Variants in SWAP70 observed in about 807,000 individuals in gnomAD.
The protein encoded by SWAP70 is switching B cell complex subunit SWAP70.
A neutral mutation model predicts 80.2 loss-of-function variants in SWAP70; 34 were observed. That is an observed-to-expected ratio of 0.42 (90% CI 0.32 to 0.56). The LOEUF is 0.56. SWAP70 is among the 20% of genes least tolerant of loss of function. SWAP70 has a pLI of 0.09. For missense variants in SWAP70, 578 were observed against 690.7 expected, an observed-to-expected ratio of 0.84 and a Z score of 1.83; for synonymous variants, 239 against 238.5, an observed-to-expected ratio of 1.00 and a Z score of -0.02.
In SWAP70 at chr11:9,750,559, GCT is replaced by G. The variant is rs1851574462; in HGVS notation, c.*595_*596del. On this transcript the variant is annotated 3_prime_UTR_variant, in exon 12 of 12. Coordinates refer to ENST00000318950, the MANE Select transcript of SWAP70 (RefSeq NM_015055.4). The stretch of plus-strand genomic sequence containing the variant: ...ATCACCTTCTGAAATTTGTCTTTTA[GCT>G]CTCTCAGATTCTTCCCCAAATGAGG... The G allele has an allele frequency of 6.6e-6, 1 of 152,338 alleles. No individual in the cohort carries two copies. Among genetic ancestry groups the G allele is most frequent in the South Asian group, 2.1e-4 (1 of 4,822 alleles). 9.4% of individuals were successfully genotyped at this position (152,338 alleles called of 1,614,324 possible).
intron 1 of SWAP70, 48 bp from the exon 2 acceptor site, chr11:9,694,098 A>C (rs772166005): frequency 6.6e-7 from 1 of 1,517,188 alleles, no homozygotes; most frequent in Non-Finnish European, 8.8e-7. Flanking sequence ...TGAAGGTGTC[A>C]TGTGCTGGTT....
In SWAP70 at chr11:9,738,285, G is replaced by A. The variant is rs772261605; in HGVS notation, c.1153G>A (p.Ala385Thr). The change falls in exon 8 of 12, where the codon GCC becomes ACC. Residue 385 changes from alanine to threonine, a missense_variant. By Grantham distance (58) the Ala-to-Thr change is moderately conservative. Coordinates refer to ENST00000318950, the MANE Select transcript of SWAP70 (RefSeq NM_015055.4). ...CCTTCAGACTCAAGTGGAACTTCAG[G>A]CCAGGTTCAGCACAGAGCTGGAAAG... The part of the protein sequence containing the change: ...KRLQTQVELQ[A>T]RFSTELEREK... 7 of 1,610,660 alleles carry A rather than the reference G, an allele frequency of 4.3e-6. No homozygotes were observed. Among genetic ancestry groups the A allele is most frequent in the Non-Finnish European group, 8.5e-7 (1 of 1,178,420 alleles).
intron 1 of SWAP70, among the ~76,000 whole-genome samples, chr11:9,679,157 A>G (rs1255555650): frequency 1.3e-5 from 2 of 152,184 alleles, no homozygotes; most frequent in Non-Finnish European, 2.9e-5. Context: ...TATTAGAAAC[A>G]CTAATTTTTT....
At chr11:9,678,064 G>A (rs1850522817) in intron 1 of SWAP70, among the ~76,000 whole-genome samples, 1 of 152,162 alleles carries the variant, frequency 6.6e-6, no homozygotes, top group African/African-American at 2.4e-5. Flanking sequence ...TTATGAGACA[G>A]GGTTTTTATT....
intron 1 of SWAP70, among the ~76,000 whole-genome samples, chr11:9,675,350 A>C (rs915082297): frequency 0.031 from 486 of 15,870 alleles, 23 homozygotes; most frequent in African/African-American, 0.13. Context: ...AGGGAGCGAG[A>C]GAGAGAGAGA....
intron 3 of SWAP70, among the ~76,000 whole-genome samples, chr11:9,715,185 C>G (rs1343702822): frequency 6.6e-6 from 1 of 151,914 alleles, no homozygotes; most frequent in East Asian, 1.9e-4. Flanking sequence ...TGCCATGTTG[C>G]CCAGCCTGGT....
intron 8 of SWAP70, among the ~76,000 whole-genome samples, chr11:9,739,095 T>C (rs2133815110): frequency 6.6e-6 from 1 of 152,218 alleles, no homozygotes; most frequent in East Asian, 1.9e-4. Flanking sequence ...GGTGAGATCC[T>C]GAAATTGTGA....
At position 9,752,231 on chromosome 11, in the gene SWAP70, T is replaced by C. The variant is rs1057255194; in HGVS notation, c.*2261T>C. ...GTCCTGCACTTTTGCAGAATGTCCT[T>C]CTTTAAACCTGGCTTATTCCACAGC... On this transcript the variant is annotated 3_prime_UTR_variant, in exon 12 of 12. Coordinates refer to ENST00000318950, the MANE Select transcript of SWAP70 (RefSeq NM_015055.4). The C allele has an allele frequency of 6.6e-6, 1 of 152,260 alleles. No individual in the cohort carries two copies. Among genetic ancestry groups the C allele is most frequent in the Non-Finnish European group, 1.5e-5 (1 of 68,040 alleles). The allele number at this position is 152,260 out of a possible 1,614,324, so 9.4% of individuals were successfully genotyped here.
At chr11:9,724,966 T>C (rs965840842) in intron 4 of SWAP70, 81 bp downstream of exon 4, 9 of 1,002,780 alleles carry the variant, frequency 9.0e-6, no homozygotes, top group Middle Eastern at 2.2e-4. Context: ...CAAAGATGAG[T>C]ATAAGTCACT....
chr11:9,734,513 T>A (rs1851339833), intron 7 of SWAP70, among the ~76,000 whole-genome samples: 1 of 152,252 alleles, frequency 6.6e-6, no homozygotes, highest in Non-Finnish European at 1.5e-5. Flanking sequence ...GATTTAGGAT[T>A]CTTGGATAAG....
intron 3 of SWAP70, among the ~76,000 whole-genome samples, chr11:9,715,819 G>T (rs1343238157): frequency 6.6e-6 from 1 of 152,206 alleles, no homozygotes; most frequent in Non-Finnish European, 1.5e-5. Context: ...TAGGGACACA[G>T]CCAAACCATA....
intron 6 of SWAP70, among the ~76,000 whole-genome samples, chr11:9,730,670 A>G (rs1290054368): frequency 6.6e-6 from 1 of 152,228 alleles, no homozygotes; most frequent in Non-Finnish European, 1.5e-5. Context: ...ATTATGCAAT[A>G]GTTTTTTAAT....
intron 2 of SWAP70, chr11:9,703,520 T>G: frequency 2.2e-6 from 1 of 456,164 alleles, no homozygotes; most frequent in Non-Finnish European, 4.4e-6. Flanking sequence ...GATTGTCACT[T>G]CCTCAGGGAG....
intron 1 of SWAP70, among the ~76,000 whole-genome samples, chr11:9,667,054 G>C (rs1850315945): frequency 6.6e-6 from 1 of 152,094 alleles, no homozygotes; most frequent in South Asian, 2.1e-4. Context: ...TAGTAGAGAC[G>C]GGGTTTCATT....
intron 1 of SWAP70, 77 bp from the exon 2 acceptor site, chr11:9,694,069 C>T: frequency 1.4e-6 from 2 of 1,457,336 alleles, no homozygotes. Context: ...GGAGAGGGAG[C>T]AGCATGTTGT....
At chr11:9,745,016 G>A (rs1165590256) in intron 9 of SWAP70, among the ~76,000 whole-genome samples, 1 of 152,218 alleles carries the variant, frequency 6.6e-6, no homozygotes, top group African/African-American at 2.4e-5. Flanking sequence ...CCTTAGTCGT[G>A]TCTGTATTCC....
intron 1 of SWAP70, among the ~76,000 whole-genome samples, chr11:9,675,414 A>G (rs1477730671): frequency 2.3e-5 from 3 of 128,758 alleles, no homozygotes; most frequent in East Asian, 4.7e-4. Context: ...AGAGAGAGAG[A>G]GAGAGAGGAG....
chr11:9,724,356 T>C (rs1240534642), intron 3 of SWAP70, among the ~76,000 whole-genome samples: 2 of 152,246 alleles, frequency 1.3e-5, no homozygotes, highest in African/African-American at 4.8e-5. Context: ...AGTAATCAGA[T>C]CACATTAATT....
chr11:9,665,316 G>A (rs1850295181), intron 1 of SWAP70, among the ~76,000 whole-genome samples: 1 of 152,046 alleles, frequency 6.6e-6, no homozygotes, highest in Non-Finnish European at 1.5e-5. Context: ...TCTTCCTTTT[G>A]CCTCTCCTTT....
Sources: gnomAD v4.1 joint callset for allele counts (sites outside exome capture counted in the v4.1 genomes callset) on GRCh38, gnomAD v4.1.1 for gene constraint, MANE v1.5 for transcripts, NCBI Gene and HGNC (gene_info 2026-07-23, HGNC 2026-07-21) for gene names.